The following TMEM150C variants were observed in gnomAD, a reference collection of about 807,000 sequenced individuals.
The protein encoded by TMEM150C is transmembrane protein 150C.
TMEM150C carries 10 observed loss-of-function variants against 29.9 expected under a neutral mutation model. The ratio of observed to expected loss-of-function variants is 0.33; its 90% CI spans 0.21 to 0.57. The LOEUF (loss-of-function observed/expected upper bound fraction) is 0.57. Among genes scored for constraint, TMEM150C ranks in the 20% least tolerant of loss-of-function variants. The pLI is 0.88. For missense variants in TMEM150C, 251 were observed against 303.6 expected (o/e 0.83, Z 1.29); for synonymous variants, 101 against 112.5 (o/e 0.90, Z 0.64).
chr4:82,508,710 C>T (rs1262210964), intron 1 of TMEM150C, among the ~76,000 whole-genome samples: 2 of 152,162 alleles, frequency 1.3e-5, no homozygotes, highest in Non-Finnish European at 1.5e-5. Context: ...AGGTGATCAA[C>T]CTGCCTTGGC....
intron 1 of TMEM150C, among the ~76,000 whole-genome samples, chr4:82,541,099 A>AGT (rs1405027656): frequency 1.3e-5 from 2 of 152,212 alleles, no homozygotes; most frequent in African/African-American, 4.8e-5. Context: ...ATTATTATCT[A>AGT]GTGCAGGGTT....
At chr4:82,495,500 T>C in intron 6 of TMEM150C, 1 of 381,362 alleles carries the variant, frequency 2.6e-6, no homozygotes, top group Non-Finnish European at 5.1e-6. Context: ...CGAGGCACCC[T>C]AGTATCAGTC....
chr4:82,528,625 T>C lies in TMEM150C; in HGVS notation c.-10-23958A>G, dbSNP rs571796267. On this transcript the variant is annotated intron_variant, in intron 1 of 7. Coordinates refer to ENST00000449862, the MANE Select transcript of TMEM150C (RefSeq NM_001080506.3). ...CGTCCCTTTTTTTTTTTTTTTTAGA[T>C]GGAGTCTCTGTCACCGAGGCTGGAG... 1.8e-4 allele frequency among the ~76,000 whole-genome samples: 27 copies of C among 148,344 alleles called. No individual in the cohort carries two copies. In the East Asian group the frequency reaches 4.9e-3, roughly 27 times the overall value.
At chr4:82,528,149 A>C (rs1724714718) in intron 1 of TMEM150C, among the ~76,000 whole-genome samples, 1 of 152,242 alleles carries the variant, frequency 6.6e-6, no homozygotes, top group South Asian at 2.1e-4. Context: ...TACTACAGGA[A>C]CATGGAGGAG....
intron 1 of TMEM150C, among the ~76,000 whole-genome samples, chr4:82,514,051 C>T (rs1434707394): frequency 2.6e-5 from 4 of 152,210 alleles, no homozygotes; most frequent in Non-Finnish European, 5.9e-5. Context: ...GCCACCAAGG[C>T]GGGGGATAAC....
intron 6 of TMEM150C, chr4:82,495,567 G>A (rs1378446061): frequency 2.8e-6 from 1 of 352,480 alleles, no homozygotes; most frequent in Non-Finnish European, 5.5e-6. Flanking sequence ...AGAATGCTCA[G>A]ATTGGCATCC....
At chr4:82,561,771 G>C (rs1725942763) in intron 1 of TMEM150C, 135 bp downstream of exon 1, 1 of 630,488 alleles carries the variant, frequency 1.6e-6, no homozygotes, top group African/African-American at 2.0e-5. Context: ...CCCGCAGCCG[G>C]GCGGACCCAG....
At chr4:82,549,197 T>C (rs1320935257) in intron 1 of TMEM150C, among the ~76,000 whole-genome samples, 1 of 152,222 alleles carries the variant, frequency 6.6e-6, no homozygotes, top group Admixed American at 6.5e-5. Flanking sequence ...ATATATACAC[T>C]TACATATACT....
intron 6 of TMEM150C, chr4:82,495,602 CTCTT>C (rs1338574644): frequency 2.3e-5 from 8 of 348,660 alleles, no homozygotes; most frequent in African/African-American, 1.5e-4. Context: ...AACTAATTTT[CTCTT>C]TCTTTCTCCA....
intron 2 of TMEM150C, 72 bp downstream of exon 2, chr4:82,504,506 A>G (rs1723839116): frequency 7.5e-7 from 1 of 1,336,140 alleles, no homozygotes; most frequent in Non-Finnish European, 1.1e-6. Flanking sequence ...CGGCTGCCAT[A>G]TACTATTAAG....
chr4:82,489,191 T>A (rs1459640016), intron 7 of TMEM150C, among the ~76,000 whole-genome samples: 1 of 149,946 alleles, frequency 6.7e-6, no homozygotes, highest in Non-Finnish European at 1.5e-5. Context: ...ATTACTCCAC[T>A]CCATGGAATG....
chr4:82,530,693 T>A (rs933261653), intron 1 of TMEM150C, among the ~76,000 whole-genome samples: 1 of 152,226 alleles, frequency 6.6e-6, no homozygotes, highest in Non-Finnish European at 1.5e-5. Context: ...ATGGCTGTTA[T>A]GAATCCATTC....
rs1578127771 is a variant in TMEM150C, at chr4:82,502,588, A to T, written c.235+139T>A. The stretch of plus-strand genomic sequence containing the variant: ...AGAGAAAAAGACCTTTAAGACAAAG[A>T]GCTGGCTTCAGCATATTGACATCGT... On this transcript the variant is annotated intron_variant, in intron 5 of 7. Coordinates refer to ENST00000449862, the MANE Select transcript of TMEM150C (RefSeq NM_001080506.3). The T allele has an allele frequency of 3.1e-5, 24 of 779,412 alleles. No homozygotes were observed. In the East Asian group the frequency reaches 6.2e-4, roughly 20 times the overall value. 48.3% of individuals were successfully genotyped at this position (779,412 alleles called of 1,614,324 possible).
chr4:82,556,277 C>T (rs1382721852), intron 1 of TMEM150C, among the ~76,000 whole-genome samples: 1 of 152,212 alleles, frequency 6.6e-6, no homozygotes, highest in Non-Finnish European at 1.5e-5. Context: ...CGTGCCCAGA[C>T]TCTCTAGTGC....
chr4:82,484,515 T>C lies in TMEM150C; in HGVS notation c.*996A>G, dbSNP rs950260068. 1 of 152,184 alleles carries C rather than the reference T, an allele frequency of 6.6e-6. No homozygotes were observed. Among genetic ancestry groups the C allele is most frequent in the African/African-American group, 2.4e-5 (1 of 41,454 alleles). The allele number at this position is 152,184 out of a possible 1,614,324, so 9.4% of individuals were successfully genotyped here. On this transcript the variant is annotated 3_prime_UTR_variant, in exon 8 of 8. Coordinates refer to ENST00000449862, the MANE Select transcript of TMEM150C (RefSeq NM_001080506.3). ...GATACTGTAAGGTGCCTATCTTTGA[T>C]AAATGTCCAGCAGCAGCTCTTTTTA... is the stretch of plus-strand genomic sequence containing the variant.
intron 2 of TMEM150C, among the ~76,000 whole-genome samples, chr4:82,504,167 C>T (rs1723824982): frequency 6.6e-6 from 1 of 151,862 alleles, no homozygotes; most frequent in African/African-American, 2.4e-5. Flanking sequence ...ATATTATTTT[C>T]AAGTATTTAT....
intron 1 of TMEM150C, among the ~76,000 whole-genome samples, chr4:82,521,121 G>T (rs1490401040): frequency 6.6e-6 from 1 of 152,138 alleles, no homozygotes; most frequent in Non-Finnish European, 1.5e-5. Flanking sequence ...GTACCTTCTT[G>T]GTGAGGCCTT....
chr4:82,537,472 A>T (rs1290102422), intron 1 of TMEM150C, among the ~76,000 whole-genome samples: 3 of 152,184 alleles, frequency 2.0e-5, no homozygotes, highest in African/African-American at 2.4e-5. Flanking sequence ...CAACTGGGTG[A>T]TAGGTATCAG....
chr4:82,536,299 C>T (rs889511345), intron 1 of TMEM150C, among the ~76,000 whole-genome samples: 3 of 144,634 alleles, frequency 2.1e-5, no homozygotes, highest in Admixed American at 7.3e-5. Context: ...CGGAGGTTGC[C>T]GTGAGCTGAG....
Sources: allele counts gnomAD v4.1 joint callset (sites outside exome capture counted in the v4.1 genomes callset), GRCh38; gene constraint gnomAD v4.1.1; transcripts MANE v1.5; gene names NCBI Gene and HGNC (gene_info 2026-07-23, HGNC 2026-07-21).